Variants in BMPR1B observed in about 807,000 individuals in gnomAD.
BMPR1B encodes the protein bone morphogenetic protein receptor type 1B.
In BMPR1B, 12 loss-of-function variants were observed where a neutral mutation model predicts 59.1. The observed-to-expected ratio is 0.20, with a 90% CI of 0.13 to 0.33. The LOEUF is 0.33. BMPR1B is among the 10% of genes least tolerant of loss of function. The pLI is 1.00. For missense variants in BMPR1B, 550 were observed against 610.9 expected (o/e 0.90, Z 1.05); for synonymous variants, 237 against 207.3 (o/e 1.14, Z -1.23).
chr4:94,972,529 A>G (rs1239231838), intron 2 of BMPR1B, among the ~76,000 whole-genome samples: 1 of 152,046 alleles, frequency 6.6e-6, no homozygotes, highest in Non-Finnish European at 1.5e-5. Flanking sequence ...TTGATTTTGT[A>G]ATACTCTTAT....
chr4:95,084,178 C>T (rs1255532587), intron 3 of BMPR1B, among the ~76,000 whole-genome samples: 1 of 151,388 alleles, frequency 6.6e-6, no homozygotes, highest in African/African-American at 2.4e-5. Flanking sequence ...GACATTCATA[C>T]ATATATCTAA....
At chr4:95,051,766 A>G (rs772519413) in intron 3 of BMPR1B, 967 of 1,535,370 alleles carry the variant, frequency 6.3e-4, no homozygotes, top group Non-Finnish European at 7.9e-4. Flanking sequence ...CTCTATGCAC[A>G]CAAGGGGTAA....
intron 8 of BMPR1B, among the ~76,000 whole-genome samples, chr4:95,127,518 C>T (rs1028507781): frequency 1.3e-5 from 2 of 152,056 alleles, no homozygotes; most frequent in Non-Finnish European, 2.9e-5. Context: ...TCTCCATAGA[C>T]TTACATGAGC....
chr4:95,024,552 T>A (rs1724216061), intron 3 of BMPR1B, among the ~76,000 whole-genome samples: 1 of 152,154 alleles, frequency 6.6e-6, no homozygotes, highest in Admixed American at 6.6e-5. Context: ...AAATACAACA[T>A]GAACGTGGAT....
intron 2 of BMPR1B, among the ~76,000 whole-genome samples, chr4:94,916,632 AT>A (rs938918959): frequency 8.5e-5 from 13 of 152,216 alleles, no homozygotes; most frequent in Non-Finnish European, 1.8e-4. Flanking sequence ...TAAAATTGGA[AT>A]TTATATTTCA....
At chr4:95,131,134 C>T (rs943774570) in intron 9 of BMPR1B, 81 bp from the exon 10 acceptor site, 1 of 1,408,672 alleles carries the variant, frequency 7.1e-7, no homozygotes, top group Non-Finnish European at 9.8e-7. Flanking sequence ...TTATCTATGA[C>T]AAAGAATGAT....
intron 3 of BMPR1B, chr4:95,091,316 G>A (rs1729971232): frequency 4.3e-6 from 1 of 230,392 alleles, no homozygotes; most frequent in African/African-American, 2.4e-5. Flanking sequence ...TGACTCCTAG[G>A]TTTCTTTTCT....
intron 10 of BMPR1B, among the ~76,000 whole-genome samples, chr4:95,138,933 G>A (rs111630020): frequency 0.039 from 5,880 of 152,232 alleles, 177 homozygotes; most frequent in Middle Eastern, 0.099. Flanking sequence ...GTCATTCTCC[G>A]TGCAGCTTTG....
intron 2 of BMPR1B, among the ~76,000 whole-genome samples, chr4:94,981,003 A>ACGCGCGCGTGCGCGCG (rs141994255): frequency 1.1e-5 from 1 of 90,796 alleles, no homozygotes; most frequent in African/African-American, 3.5e-5. Flanking sequence ...ACACACACAC[A>ACGCGCGCGTGCGCGCG]CACACACACA....
At chr4:94,914,698 A>G (rs77263713) in intron 2 of BMPR1B, among the ~76,000 whole-genome samples, 2,792 of 152,208 alleles carry the variant, frequency 0.018, 52 homozygotes, top group East Asian at 0.092. Flanking sequence ...TTGGATAAGT[A>G]AATTTTGAGA....
chr4:94,844,660 G>T (rs1176415676), intron 1 of BMPR1B, among the ~76,000 whole-genome samples: 1 of 91,378 alleles, frequency 1.1e-5, no homozygotes, highest in Non-Finnish European at 2.2e-5. Context: ...CTTTATGTCT[G>T]CCTGACTTCC....
intron 1 of BMPR1B, among the ~76,000 whole-genome samples, chr4:94,846,240 T>C (rs548800653): frequency 1.3e-5 from 2 of 152,322 alleles, no homozygotes; most frequent in South Asian, 2.1e-4. Context: ...GAAATGGTGC[T>C]GGGAAAACTG....
chr4:94,771,628 G>C (rs998953611), intron 1 of BMPR1B, among the ~76,000 whole-genome samples: 2 of 152,136 alleles, frequency 1.3e-5, no homozygotes, highest in Non-Finnish European at 2.9e-5. Context: ...AACTTTAAAT[G>C]ATGTAATCTC....
At position 95,029,254 on chromosome 4, in the gene BMPR1B, C is replaced by G. The variant is rs546348291; in HGVS notation, c.-18+33120C>G. 8.5e-5 allele frequency among the ~76,000 whole-genome samples: 11 copies of G among 128,710 alleles called. No individual in the cohort carries two copies. The South Asian group carries it at 2.4e-3, about 28-fold the overall frequency. The allele number at this position is 128,710 out of a possible 152,430, so 84.4% of individuals were successfully genotyped here. A position where few individuals can be genotyped will look rare whatever the true frequency, so the allele number is the denominator to read the frequency against. ...TAATGCTATCCCTACCCCCTCCCCC[C>G]ACCCCACAACAGTCCCCAGAGTGTG... On this transcript the variant is annotated intron_variant, in intron 3 of 12. Coordinates refer to ENST00000515059, the MANE Select transcript of BMPR1B (RefSeq NM_001203.3).
At position 95,121,891 on chromosome 4, in the gene BMPR1B, C is replaced by T. The variant is rs111659605; in HGVS notation, c.350-1919C>T. Among the ~76,000 whole-genome samples, 803 of 152,224 alleles carry T rather than the reference C, an allele frequency of 5.3e-3. 6 individuals carry two copies. Among genetic ancestry groups the T allele is most frequent in the African/African-American group, 0.018 (747 of 41,556 alleles). On this transcript the variant is annotated intron_variant, in intron 6 of 12. Coordinates refer to ENST00000515059, the MANE Select transcript of BMPR1B (RefSeq NM_001203.3). ...CTGGGAATCTTATTAAGGAAATAAT[C>T]ATTAGCATGTGCAAAGATGTATGTG...
intron 2 of BMPR1B, among the ~76,000 whole-genome samples, chr4:94,958,098 G>T (rs1017786097): frequency 1.3e-5 from 2 of 152,080 alleles, no homozygotes; most frequent in African/African-American, 4.8e-5. Flanking sequence ...GTTCTATTTG[G>T]ATCATTCACA....
At chr4:94,824,359 TTA>T (rs1254035094) in intron 1 of BMPR1B, among the ~76,000 whole-genome samples, 1 of 152,184 alleles carries the variant, frequency 6.6e-6, no homozygotes, top group African/African-American at 2.4e-5. Context: ...GTAGCACTTA[TTA>T]TATGGTTCTT....
chr4:94,773,736 A>C lies in BMPR1B; in HGVS notation c.-183+15668A>C, dbSNP rs540464255. ...GATAAATTAGTTTCTGTGATTACAAATTTTCACTAATCAATAAGGGATAAT... is the reference window on the plus strand; with the variant it reads ...GATAAATTAGTTTCTGTGATTACAACTTTTCACTAATCAATAAGGGATAAT... On this transcript the variant is annotated intron_variant, in intron 1 of 12. Transcript: ENST00000515059. 7.9e-5 allele frequency among the ~76,000 whole-genome samples: 12 copies of C among 152,126 alleles called. No homozygotes were observed. In the South Asian group the frequency reaches 2.3e-3, roughly 29 times the overall value.
At chr4:95,121,874 C>T (rs1732556502) in intron 6 of BMPR1B, among the ~76,000 whole-genome samples, 1 of 152,084 alleles carries the variant, frequency 6.6e-6, no homozygotes, top group South Asian at 2.1e-4. Context: ...TTCTGGGAAT[C>T]TTATTAAGGA....
Sources: gnomAD v4.1 joint callset for allele counts (sites outside exome capture counted in the v4.1 genomes callset) on GRCh38, gnomAD v4.1.1 for gene constraint, MANE v1.5 for transcripts, NCBI Gene and HGNC (gene_info 2026-07-23, HGNC 2026-07-21) for gene names.